FAM107B: variants seen among roughly 807,000 people sequenced by gnomAD.
FAM107B encodes the protein family with sequence similarity 107 member B.
In FAM107B, 21 loss-of-function variants were observed where a neutral mutation model predicts 31.5. That is an observed-to-expected ratio of 0.67 (90% CI 0.47 to 0.96). The LOEUF (loss-of-function observed/expected upper bound fraction) is 0.96. Ranked by LOEUF, FAM107B falls within the 40% of genes least tolerant of loss-of-function variation. FAM107B has a pLI of 0.00. For missense variants in FAM107B, 452 were observed against 377.1 expected, an observed-to-expected ratio of 1.20 and a Z score of -1.64; for synonymous variants, 157 against 141.5, an observed-to-expected ratio of 1.11 and a Z score of -0.78.
intron 2 of FAM107B, chr10:14,612,594 C>G (rs1216131528): frequency 6.6e-6 from 1 of 152,232 alleles, no homozygotes; most frequent in Non-Finnish European, 1.5e-5. Flanking sequence ...TTTCTCAGCT[C>G]ATTTCTCTCT....
chr10:14,737,766 T>TTCTCACTCTC (rs1554754688), intron 1 of FAM107B, among the ~76,000 whole-genome samples: 3 of 127,050 alleles, frequency 2.4e-5, no homozygotes, highest in Non-Finnish European at 4.8e-5. Flanking sequence ...CGTGCACGCT[T>TTCTCACTCTC]TCTCTCTCTC....
intron 2 of FAM107B, among the ~76,000 whole-genome samples, chr10:14,553,060 T>A (rs1218093250): frequency 6.6e-6 from 1 of 152,182 alleles, no homozygotes; most frequent in African/African-American, 2.4e-5. Flanking sequence ...CTCTTCCAAA[T>A]GGGAAACATT....
At chr10:14,545,932 T>C (rs1848652744) in intron 2 of FAM107B, among the ~76,000 whole-genome samples, 1 of 152,198 alleles carries the variant, frequency 6.6e-6, no homozygotes, top group Non-Finnish European at 1.5e-5. Flanking sequence ...GGCCTAATCA[T>C]TCCTGAGAGG....
chr10:14,545,979 GGCTA>G (rs1443007414), intron 2 of FAM107B, among the ~76,000 whole-genome samples: 1 of 152,180 alleles, frequency 6.6e-6, no homozygotes, highest in Non-Finnish European at 1.5e-5. Flanking sequence ...CTTCCTGCTG[GGCTA>G]GCTTTCAAAG....
intron 2 of FAM107B, among the ~76,000 whole-genome samples, chr10:14,611,124 G>GA (rs1326986844): frequency 6.6e-6 from 1 of 151,990 alleles, no homozygotes; most frequent in Non-Finnish European, 1.5e-5. Flanking sequence ...TCCAAAACCA[G>GA]AAAAAAGGAT....
At chr10:14,729,936 G>A (rs568004671) in intron 1 of FAM107B, among the ~76,000 whole-genome samples, 1 of 152,226 alleles carries the variant, frequency 6.6e-6, no homozygotes, top group African/African-American at 2.4e-5. Context: ...ACTAACACAG[G>A]AACAGAAAAC....
intron 2 of FAM107B, among the ~76,000 whole-genome samples, chr10:14,654,318 C>T (rs977648602): frequency 6.6e-6 from 1 of 152,154 alleles, no homozygotes; most frequent in African/African-American, 2.4e-5. Context: ...TTGAAATAAC[C>T]TTTCGGGTCT....
At chr10:14,571,820 A>G in intron 2 of FAM107B, 4 of 985,432 alleles carry the variant, frequency 4.1e-6, no homozygotes, top group Non-Finnish European at 4.8e-6. Flanking sequence ...GTGGTGAAAA[A>G]TCATCCTTTA....
At chr10:14,563,080 CA>C (rs1056203773) in intron 2 of FAM107B, among the ~76,000 whole-genome samples, 5 of 152,166 alleles carry the variant, frequency 3.3e-5, no homozygotes, top group Non-Finnish European at 4.4e-5. Context: ...AAGCTTAAAA[CA>C]GCCACAGAAA....
rs781571944 is a variant in FAM107B at position 14,704,364 on chromosome 10, A to G, written c.412-36673T>C. 2.6e-5 allele frequency among the ~76,000 whole-genome samples: 4 copies of G among 152,086 alleles called. No homozygotes were observed. In the East Asian group the frequency reaches 7.7e-4, roughly 29 times the overall value. On this transcript the variant is annotated intron_variant, in intron 1 of 4. Transcript: ENST00000181796. ...AACACACAGGATCAGGTTTTAACTA[A>G]TAGCCAACAAAATGCTAAGTGTCAC...
intron 2 of FAM107B, among the ~76,000 whole-genome samples, chr10:14,660,820 A>G (rs1854215562): frequency 6.6e-6 from 1 of 152,164 alleles, no homozygotes; most frequent in Admixed American, 6.5e-5. Flanking sequence ...GGCTCTAGAA[A>G]AGGAACACAT....
chr10:14,715,044 G>A (rs1289941009), intron 1 of FAM107B, among the ~76,000 whole-genome samples: 1 of 152,168 alleles, frequency 6.6e-6, no homozygotes, highest in Non-Finnish European at 1.5e-5. Flanking sequence ...CAAAGTCCAG[G>A]CCACACAAAG....
At chr10:14,695,759 T>C (rs1855250422) in intron 1 of FAM107B, among the ~76,000 whole-genome samples, 1 of 152,238 alleles carries the variant, frequency 6.6e-6, no homozygotes, top group South Asian at 2.1e-4. Context: ...AAAGATTGTT[T>C]TCTTAATTTA....
chr10:14,763,888 C>T (rs1367405499), intron 1 of FAM107B, among the ~76,000 whole-genome samples: 1 of 152,244 alleles, frequency 6.6e-6, no homozygotes, highest in East Asian at 1.9e-4. Flanking sequence ...AGGGTATACA[C>T]ATTGCTGTCC....
chr10:14,558,189 GCACA>G (rs909620792), intron 2 of FAM107B, among the ~76,000 whole-genome samples: 1 of 135,950 alleles, frequency 7.4e-6, no homozygotes, highest in Non-Finnish European at 1.7e-5. Flanking sequence ...GTGTGTGTGT[GCACA>G]CACTCACGTG....
At chr10:14,723,234 T>C in intron 1 of FAM107B, 5 of 530,456 alleles carry the variant, frequency 9.4e-6, no homozygotes, top group Non-Finnish European at 1.9e-5. Flanking sequence ...CAGATCAGTC[T>C]TCTGTGGTGG....
chr10:14,723,776 T>C (rs1855968000), intron 1 of FAM107B: 3 of 757,890 alleles, frequency 4.0e-6, no homozygotes, highest in African/African-American at 1.7e-5. Context: ...GTGGCTCCAG[T>C]GGCAGCAGCA....
chr10:14,730,995 G>A (rs1215654970), intron 1 of FAM107B, among the ~76,000 whole-genome samples: 2 of 152,158 alleles, frequency 1.3e-5, no homozygotes, highest in African/African-American at 4.8e-5. Context: ...TGAGCAACTG[G>A]TAGAGGGGTG....
chr10:14,725,939 C>T (rs1305078652), intron 1 of FAM107B, among the ~76,000 whole-genome samples: 1 of 150,664 alleles, frequency 6.6e-6, no homozygotes, highest in Non-Finnish European at 1.5e-5. Context: ...AATTCTCCTG[C>T]CTCAGCTTCC....
Sources: allele counts gnomAD v4.1 joint callset (sites outside exome capture counted in the v4.1 genomes callset), GRCh38; gene constraint gnomAD v4.1.1; transcripts MANE v1.5; gene names NCBI Gene and HGNC (gene_info 2026-07-23, HGNC 2026-07-21).